The following MYO16 variants were observed in gnomAD, a reference collection of about 807,000 sequenced individuals.
The protein encoded by MYO16 is unconventional myosin-XVI.
MYO16 carries 94 observed loss-of-function variants against 205.3 expected under a neutral mutation model. The observed-to-expected ratio is 0.46, with a 90% CI of 0.39 to 0.54. The LOEUF is 0.54. MYO16 is among the 20% of genes least tolerant of loss of function. MYO16 has a pLI of 0.00. For missense variants in MYO16, 2,315 were observed against 2,387.5 expected (o/e 0.97, Z 0.63); for synonymous variants, 988 against 954.0 (o/e 1.04, Z -0.66).
At chr13:109,062,088 G>A (rs1352106710) in intron 27 of MYO16, among the ~76,000 whole-genome samples, 1 of 152,194 alleles carries the variant, frequency 6.6e-6, no homozygotes, top group African/African-American at 2.4e-5. Flanking sequence ...GAGAAAGAGA[G>A]AGAGAGAGAT....
chr13:108,565,833 A>G, the MYO16 span, among the ~76,000 whole-genome samples: 1 of 152,146 alleles, frequency 6.6e-6, no homozygotes, highest in East Asian at 1.9e-4. Flanking sequence ...TACAGCTTTT[A>G]TTACGTTGAG....
the MYO16 span, among the ~76,000 whole-genome samples, chr13:108,525,096 A>G: frequency 1.3e-5 from 2 of 152,232 alleles, no homozygotes; most frequent in Non-Finnish European, 2.9e-5. Context: ...CACTCAACAC[A>G]CAGACTTTAC....
At position 109,189,929 on chromosome 13, in the gene MYO16, T is replaced by G. The variant is rs1879841143; in HGVS notation, c.5415+10296T>G. 2.0e-5 allele frequency among the ~76,000 whole-genome samples: 3 copies of G among 152,000 alleles called. No homozygotes were observed. In the South Asian group the frequency reaches 6.2e-4, roughly 32 times the overall value. On this transcript the variant is annotated intron_variant, in intron 34 of 34. Transcript: ENST00000457511. Reference sequence around the variant, plus strand: ...ACGATTTGTGTTTTGTTGTTGTTTTTTTTTCAACTTTCCCAATTCCTCAGA... The same window carrying G: ...ACGATTTGTGTTTTGTTGTTGTTTTGTTTTCAACTTTCCCAATTCCTCAGA...
intron 16 of MYO16, among the ~76,000 whole-genome samples, chr13:108,929,254 T>C (rs1046755350): frequency 1.3e-5 from 2 of 152,034 alleles, no homozygotes; most frequent in South Asian, 4.1e-4. Context: ...ATTACAAAAA[T>C]TAAAGATGAA....
intron 28 of MYO16, among the ~76,000 whole-genome samples, chr13:109,117,618 A>G (rs1434556645): frequency 6.6e-6 from 1 of 151,750 alleles, no homozygotes; most frequent in Non-Finnish European, 1.5e-5. Flanking sequence ...CACAAATAGA[A>G]GGTGTCAAAG....
At chr13:108,826,677 G>A (rs975476721) in intron 9 of MYO16, among the ~76,000 whole-genome samples, 15 of 152,054 alleles carry the variant, frequency 9.9e-5, no homozygotes, top group African/African-American at 3.4e-4. Context: ...GCTTACAACT[G>A]AACAATAAAA....
At position 108,654,760 on chromosome 13, in the gene MYO16, G is replaced by A. The variant is rs1217868294; in HGVS notation, c.29-11126G>A. The stretch of plus-strand genomic sequence containing the variant: ...TGAACAATAAGGTCCAGGCTGAGGT[G>A]GTCTCAGATGGAGATGAGAAACTTG... On this transcript the variant is annotated intron_variant, in intron 1 of 34. Coordinates refer to ENST00000457511, the MANE Select transcript of MYO16 (RefSeq NM_001198950.3). 2.6e-5 allele frequency among the ~76,000 whole-genome samples: 4 copies of A among 152,286 alleles called. No individual in the cohort carries two copies. In the East Asian group the frequency reaches 7.7e-4, roughly 29 times the overall value.
intron 1 of MYO16, among the ~76,000 whole-genome samples, chr13:108,608,126 T>C (rs1260133366): frequency 6.6e-6 from 1 of 152,222 alleles, no homozygotes; most frequent in East Asian, 1.9e-4. Context: ...TTCTGGAAAC[T>C]CTGATTTTAG....
At chr13:109,052,783 T>C (rs994991076) in intron 25 of MYO16, among the ~76,000 whole-genome samples, 9 of 152,096 alleles carry the variant, frequency 5.9e-5, no homozygotes, top group African/African-American at 2.2e-4. Flanking sequence ...CTTCAGATAC[T>C]GTAGGCTTAG....
chr13:108,649,117 T>G (rs961471445), intron 1 of MYO16, among the ~76,000 whole-genome samples: 1 of 151,860 alleles, frequency 6.6e-6, no homozygotes, highest in African/African-American at 2.4e-5. Flanking sequence ...GAGCTATACC[T>G]AATGTTAAAT....
At chr13:108,796,196 A>G (rs558437349) in intron 6 of MYO16, among the ~76,000 whole-genome samples, 5 of 152,314 alleles carry the variant, frequency 3.3e-5, no homozygotes, top group African/African-American at 1.2e-4. Flanking sequence ...GAGGAGGGGC[A>G]TGAGCCTGCT....
intron 16 of MYO16, among the ~76,000 whole-genome samples, chr13:108,941,564 C>T (rs1882721847): frequency 6.6e-6 from 1 of 151,044 alleles, no homozygotes; most frequent in African/African-American, 2.4e-5. Flanking sequence ...GTAATCCCAG[C>T]TAATTGGGAG....
intron 30 of MYO16, among the ~76,000 whole-genome samples, chr13:109,126,880 C>T (rs576890383): frequency 6.6e-5 from 10 of 152,246 alleles, no homozygotes; most frequent in Non-Finnish European, 1.5e-4. Flanking sequence ...ATCAGTAACT[C>T]TCTATTAAGA....
In MYO16 at chr13:109,140,670, G is replaced by A. The variant is rs748254706; in HGVS notation, c.4458G>A (p.Pro1486=). ...CGCCGCCCCTGCTCCACCGCGCGCC[G>A]GAGGACGAGGCGGCGGGGCCCCCAG... ...GASPPLLHRA[P]EDEAAGPPGD... is the part of the protein sequence containing the mutation. Residue 1486 remains proline (P), a synonymous_variant, in exon 32 of 35, where the codon CCG becomes CCA. Transcript: ENST00000457511. The surrounding 1 kb of genome is among the most constrained non-coding windows in gnomAD (Gnocchi z 8.0). 1.4e-5 allele frequency: 21 copies of A among 1,487,688 alleles called. No homozygotes were observed. The Admixed American group carries it at 1.4e-4, about 10-fold the overall frequency. 92.2% of individuals were successfully genotyped at this position (1,487,688 alleles called of 1,614,324 possible).
intron 1 of MYO16, among the ~76,000 whole-genome samples, chr13:108,619,490 G>A (rs2139332156): frequency 6.6e-6 from 1 of 152,226 alleles, no homozygotes; most frequent in Middle Eastern, 3.4e-3. Context: ...ATGTTGAAAT[G>A]TCTGCCTTGA....
At chr13:108,807,855 G>T (rs1418928703) in intron 7 of MYO16, among the ~76,000 whole-genome samples, 1 of 152,058 alleles carries the variant, frequency 6.6e-6, no homozygotes, top group Non-Finnish European at 1.5e-5. Context: ...GTCTTGTTAA[G>T]CTTGGTAAAG....
At chr13:108,845,398 G>T (rs957281967) in intron 10 of MYO16, among the ~76,000 whole-genome samples, 1 of 152,094 alleles carries the variant, frequency 6.6e-6, no homozygotes, top group African/African-American at 2.4e-5. Context: ...GGATTCTGAG[G>T]GTCCAAGGTC....
chr13:108,686,874 T>C (rs1385884134), intron 2 of MYO16, among the ~76,000 whole-genome samples: 2 of 152,118 alleles, frequency 1.3e-5, no homozygotes, highest in Non-Finnish European at 2.9e-5. Flanking sequence ...GAAAGTAGTT[T>C]ATTTGCTGTG....
rs150710024 is a variant in MYO16 at position 108,813,925 on chromosome 13, G to A, written c.868-6412G>A. Among the ~76,000 whole-genome samples the A allele has an allele frequency of 3.4e-3, 514 of 152,218 alleles. 2 individuals are homozygous for A. The highest frequency in any genetic ancestry group is 0.012 in the African/African-American group (494 of 41,546). The stretch of plus-strand genomic sequence containing the variant: ...CCTGCTTAATTCAGTTTTGTGAAGT[G>A]CCTCAGTGATTTCTAATTGGAAGCA... On this transcript the variant is annotated intron_variant, in intron 7 of 34. Transcript: ENST00000457511.
Sources: gnomAD v4.1 joint callset for allele counts (sites outside exome capture counted in the v4.1 genomes callset) on GRCh38, gnomAD v4.1.1 for gene constraint, Gnocchi (gnomAD v3.1) non-coding constraint, MANE v1.5 for transcripts, NCBI Gene and HGNC (gene_info 2026-07-23, HGNC 2026-07-21) for gene names.